Variants in DNAAF1 observed in about 807,000 individuals in gnomAD.
The protein encoded by DNAAF1 is dynein assembly factor 1, axonemal.
A neutral mutation model predicts 71.1 loss-of-function variants in DNAAF1; 65 were observed. The ratio of observed to expected loss-of-function variants is 0.91; its 90% CI spans 0.75 to 1.12. The LOEUF (loss-of-function observed/expected upper bound fraction) is 1.12. Ranked by LOEUF, DNAAF1 falls within the 50% of genes most tolerant of loss-of-function variation. DNAAF1 has a pLI of 0.00. For synonymous variants in DNAAF1, 414 were observed against 354.6 expected (o/e 1.17, Z -1.88); for missense variants, 1,178 against 899.8 (o/e 1.31, Z -3.96).
intron 6 of DNAAF1, among the ~76,000 whole-genome samples, chr16:84,164,436 C>T (rs2087867784): frequency 6.6e-6 from 1 of 152,152 alleles, no homozygotes; most frequent in Non-Finnish European, 1.5e-5. Flanking sequence ...CCTCCTCAGC[C>T]CCAACTTCTG....
intron 6 of DNAAF1, among the ~76,000 whole-genome samples, chr16:84,161,228 C>A (rs2087701690): frequency 6.6e-6 from 1 of 152,196 alleles, no homozygotes; most frequent in South Asian, 2.1e-4. Flanking sequence ...CGAGCAGGTG[C>A]TGGGCTCCTA....
At chr16:84,167,508 C>A (rs184761707) in intron 7 of DNAAF1, among the ~76,000 whole-genome samples, 7 of 152,282 alleles carry the variant, frequency 4.6e-5, no homozygotes, top group Admixed American at 1.3e-4. Flanking sequence ...CCCCCAAGAG[C>A]CGCCCCATTC....
At chr16:84,165,436 T>C (rs1461115259) in intron 6 of DNAAF1, among the ~76,000 whole-genome samples, 2 of 152,172 alleles carry the variant, frequency 1.3e-5, no homozygotes, top group African/African-American at 2.4e-5. Flanking sequence ...TCCTCCCACT[T>C]TGGCCTCCAA....
At chr16:84,152,824 G>A (rs926726874) in intron 3 of DNAAF1, among the ~76,000 whole-genome samples, 4 of 151,962 alleles carry the variant, frequency 2.6e-5, no homozygotes, top group Non-Finnish European at 5.9e-5. Context: ...TGTGGTGATG[G>A]CGGGTACCTG....
chr16:84,168,926 G>C (rs1439223667), intron 7 of DNAAF1, among the ~76,000 whole-genome samples: 1 of 151,584 alleles, frequency 6.6e-6, no homozygotes, highest in African/African-American at 2.4e-5. Flanking sequence ...CAGTGCTTCA[G>C]CGTGCATCTC....
At chr16:84,151,309 A>C (rs2087169752) in intron 3 of DNAAF1, among the ~76,000 whole-genome samples, 1 of 152,186 alleles carries the variant, frequency 6.6e-6, no homozygotes. Flanking sequence ...GGGAGCAGCT[A>C]TTATGAGGAC....
chr16:84,176,387 CCT>C (rs2088660674), intron 11 of DNAAF1, 88 bp downstream of exon 11: 1 of 1,590,448 alleles, frequency 6.3e-7, no homozygotes, highest in Non-Finnish European at 8.6e-7. Context: ...TCAGCCTTAC[CCT>C]GAGCTTTCAT....
intron 8 of DNAAF1, among the ~76,000 whole-genome samples, chr16:84,171,429 G>C (rs1348331004): frequency 4.6e-5 from 7 of 152,190 alleles, no homozygotes; most frequent in African/African-American, 1.7e-4. Context: ...TCCAGCCGGG[G>C]TGACAGAGTG....
chr16:84,149,212 C>T lies in DNAAF1; in HGVS notation c.260+70C>T, dbSNP rs878962219. ...TAGATGGCGTAATCACCCCCTTGTA[C>T]GGATAATGAAATAGAGGCTGGTAGA... is the stretch of plus-strand genomic sequence containing the variant. On this transcript the variant is annotated intron_variant, in intron 2 of 11. Coordinates refer to ENST00000378553, the MANE Select transcript of DNAAF1 (RefSeq NM_178452.6). 1.3e-4 allele frequency: 211 copies of T among 1,580,010 alleles called. 3 individuals are homozygous for T. The South Asian group carries it at 2.0e-3, about 15-fold the overall frequency.
intron 7 of DNAAF1, among the ~76,000 whole-genome samples, chr16:84,166,441 A>G (rs1015671509): frequency 6.7e-6 from 1 of 149,584 alleles, no homozygotes; most frequent in African/African-American, 2.5e-5. Flanking sequence ...CAGTGGCACA[A>G]TCTTGGCTCA....
At chr16:84,172,471 G>C in intron 9 of DNAAF1, 96 bp downstream of exon 9, 1 of 1,547,496 alleles carries the variant, frequency 6.5e-7, no homozygotes, top group Non-Finnish European at 8.7e-7. Context: ...GATACCCCAA[G>C]TGTGGTCCTT....
At chr16:84,173,529 G>A (rs2088490631) in intron 9 of DNAAF1, 2 of 984,030 alleles carry the variant, frequency 2.0e-6, no homozygotes, top group South Asian at 9.4e-5. Flanking sequence ...GTTTTCTGGA[G>A]CTATGTAAAA....
At chr16:84,151,327 C>T (rs1048835402) in intron 3 of DNAAF1, among the ~76,000 whole-genome samples, 3 of 152,188 alleles carry the variant, frequency 2.0e-5, no homozygotes, top group East Asian at 1.9e-4. Context: ...GACGGTGCCA[C>T]GCCAGGGAGA....
At chr16:84,156,137 A>G (rs2087416097) in intron 5 of DNAAF1, among the ~76,000 whole-genome samples, 1 of 151,980 alleles carries the variant, frequency 6.6e-6, no homozygotes, top group Non-Finnish European at 1.5e-5. Context: ...TAATTTTTGT[A>G]TTCTTAGTAG....
In DNAAF1 at chr16:84,155,579, C is replaced by T. The variant is rs1332505596; in HGVS notation, c.575-4C>T. 1.9e-6 allele frequency: 3 copies of T among 1,614,084 alleles called. No individual in the cohort carries two copies. Among genetic ancestry groups the T allele is most frequent in the Non-Finnish European group, 2.5e-6 (3 of 1,180,006 alleles). ...TTTTGACTTCTGCTGACCTTACCTT[C>T]CAGCCTGCCTCCCAGTCCTGAACAC... On this transcript the variant is annotated splice_region_variant and splice_polypyrimidine_tract_variant and intron_variant, in intron 4 of 11. Transcript: ENST00000378553.
chr16:84,171,730 C>T (rs1171069654), intron 8 of DNAAF1, among the ~76,000 whole-genome samples: 1 of 152,176 alleles, frequency 6.6e-6, no homozygotes, highest in African/African-American at 2.4e-5. Flanking sequence ...TGCTTTGACT[C>T]CTGGCCGGTG....
intron 1 of DNAAF1, among the ~76,000 whole-genome samples, chr16:84,148,447 A>C (rs2087016277): frequency 6.6e-6 from 1 of 152,044 alleles, no homozygotes; most frequent in African/African-American, 2.4e-5. Context: ...ATAAAAAAAA[A>C]CGCAGAAACA....
intron 11 of DNAAF1, 119 bp downstream of exon 11, chr16:84,176,418 C>A: frequency 3.5e-6 from 5 of 1,432,380 alleles, no homozygotes; most frequent in Non-Finnish European, 4.8e-6. Flanking sequence ...AGGGGTCACC[C>A]AGGACAGACC....
At chr16:84,170,823 C>T (rs2088292100) in intron 8 of DNAAF1, among the ~76,000 whole-genome samples, 1 of 151,576 alleles carries the variant, frequency 6.6e-6, no homozygotes, top group South Asian at 2.1e-4. Context: ...CAGAGTGAGA[C>T]CCTCCCTCAA....
Sources: allele counts gnomAD v4.1 joint callset (sites outside exome capture counted in the v4.1 genomes callset), GRCh38; gene constraint gnomAD v4.1.1; transcripts MANE v1.5; gene names NCBI Gene and HGNC (gene_info 2026-07-23, HGNC 2026-07-21).